EXOC6B: variants seen among roughly 807,000 people sequenced by gnomAD.
EXOC6B encodes exocyst complex component 6B, also known as SEC15 homolog B.
EXOC6B carries 54 observed loss-of-function variants against 113.5 expected under a neutral mutation model. The observed-to-expected ratio is 0.48, with a 90% CI of 0.38 to 0.60. The LOEUF (loss-of-function observed/expected upper bound fraction) is 0.60, where lower values mean the gene tolerates loss of function less well. EXOC6B is among the 20% of genes least tolerant of loss of function. The pLI is 0.00. For missense variants in EXOC6B, 797 were observed against 977.5 expected, an observed-to-expected ratio of 0.82 and a Z score of 2.46; for synonymous variants, 357 against 339.0, an observed-to-expected ratio of 1.05 and a Z score of -0.58.
intron 20 of EXOC6B, among the ~76,000 whole-genome samples, chr2:72,253,458 A>G (rs552869774): frequency 1.3e-5 from 2 of 152,214 alleles, no homozygotes; most frequent in Non-Finnish European, 2.9e-5. Flanking sequence ...ATGCCTATCA[A>G]TGGTAGGCCG....
chr2:72,454,426 G>C (rs1697092885), intron 18 of EXOC6B, among the ~76,000 whole-genome samples: 2 of 152,088 alleles, frequency 1.3e-5, no homozygotes, highest in Admixed American at 6.6e-5. Context: ...GATTGCTTGA[G>C]CTTGAGAGGG....
intron 1 of EXOC6B, among the ~76,000 whole-genome samples, chr2:72,779,974 A>G (rs986762595): frequency 1.7e-4 from 26 of 152,284 alleles, no homozygotes; most frequent in African/African-American, 5.8e-4. Flanking sequence ...GGTCAATACA[A>G]AAGTCCTTTC....
At chr2:72,470,270 A>C (rs1698313456) in intron 17 of EXOC6B, among the ~76,000 whole-genome samples, 1 of 151,978 alleles carries the variant, frequency 6.6e-6, no homozygotes. Flanking sequence ...AGTGTTTTGT[A>C]GTTTTCATTG....
intron 8 of EXOC6B, among the ~76,000 whole-genome samples, chr2:72,536,454 T>C (rs1444168004): frequency 6.6e-6 from 1 of 152,210 alleles, no homozygotes; most frequent in Non-Finnish European, 1.5e-5. Flanking sequence ...GCATATTGCA[T>C]TCAATCATAT....
At chr2:72,752,973 T>C (rs1349616567) in intron 1 of EXOC6B, among the ~76,000 whole-genome samples, 1 of 151,982 alleles carries the variant, frequency 6.6e-6, no homozygotes, top group Non-Finnish European at 1.5e-5. Context: ...ACTCTTCACA[T>C]ATATATATAC....
intron 19 of EXOC6B, among the ~76,000 whole-genome samples, chr2:72,375,419 G>A (rs748102013): frequency 6.6e-6 from 1 of 152,004 alleles, no homozygotes; most frequent in Non-Finnish European, 1.5e-5. Context: ...CATAAAACAA[G>A]TCTCAACAAA....
Position 72,825,851 on chromosome 2 carries a change from C to A in EXOC6B, c.60G>T (p.Arg20=). The change falls in exon 1 of 22, where the codon CGG becomes CGT. Residue 20 remains arginine, a synonymous_variant. Transcript: ENST00000272427. The surrounding 1 kb of genome is among the most constrained non-coding windows in gnomAD (Gnocchi z 4.4). Reference sequence around the variant, plus strand: ...CAGTGCTCTCGATCTCTCGCAGGATCCGCTCGTGCTCTGCCGCTGTCTCCA... The same window carrying A: ...CAGTGCTCTCGATCTCTCGCAGGATACGCTCGTGCTCTGCCGCTGTCTCCA... ...ESLETAAEHE[R]ILREIESTDT... 1.2e-6 allele frequency: 2 copies of A among 1,613,608 alleles called. No homozygotes were observed. The highest frequency in any genetic ancestry group is 1.7e-6 in the Non-Finnish European group (2 of 1,179,738).
intron 20 of EXOC6B, among the ~76,000 whole-genome samples, chr2:72,318,617 C>A (rs1313609459): frequency 6.6e-6 from 1 of 152,102 alleles, no homozygotes; most frequent in Non-Finnish European, 1.5e-5. Context: ...TTCTCAAACT[C>A]CTGACCTCAA....
chr2:72,542,409 C>T (rs1250315538), intron 8 of EXOC6B, among the ~76,000 whole-genome samples: 2 of 152,198 alleles, frequency 1.3e-5, no homozygotes, highest in African/African-American at 4.8e-5. Context: ...TTGCTGGTTT[C>T]AGTTTCACCT....
intron 20 of EXOC6B, among the ~76,000 whole-genome samples, chr2:72,269,730 C>A (rs1399799392): frequency 6.6e-6 from 1 of 152,130 alleles, no homozygotes; most frequent in Non-Finnish European, 1.5e-5. Context: ...AGCTGCTTAA[C>A]CTCTTTGAGC....
chr2:72,663,249 T>G (rs1274889851), intron 6 of EXOC6B, among the ~76,000 whole-genome samples: 2 of 152,216 alleles, frequency 1.3e-5, no homozygotes, highest in Admixed American at 1.3e-4. Flanking sequence ...ATCAGAGGTA[T>G]TCTGCTGAAT....
chr2:72,182,774 A>T, intron 21 of EXOC6B: 1 of 654,952 alleles, frequency 1.5e-6, no homozygotes. Flanking sequence ...GTAGATTAGT[A>T]TGTCAGGGCG....
At chr2:72,249,282 C>T (rs892024030) in intron 20 of EXOC6B, among the ~76,000 whole-genome samples, 1 of 152,000 alleles carries the variant, frequency 6.6e-6, no homozygotes, top group Non-Finnish European at 1.5e-5. Context: ...TTTTTTGAGA[C>T]GGAGTCTCAC....
At chr2:72,539,749 TGCGCGCGCGC>T (rs879611757) in intron 8 of EXOC6B, among the ~76,000 whole-genome samples, 1 of 61,678 alleles carries the variant, frequency 1.6e-5, no homozygotes, top group Non-Finnish European at 4.1e-5. Flanking sequence ...TGTGTGTGTG[TGCGCGCGCGC>T]GCGCGTGTGT....
intron 20 of EXOC6B, among the ~76,000 whole-genome samples, chr2:72,242,870 C>G (rs1392893842): frequency 6.6e-6 from 1 of 152,156 alleles, no homozygotes; most frequent in Admixed American, 6.5e-5. Flanking sequence ...GTAGCTAGGA[C>G]TATAGGTATG....
chr2:72,682,027 ATC>A (rs112745780), intron 6 of EXOC6B, among the ~76,000 whole-genome samples: 39,385 of 148,076 alleles, frequency 0.27, 10,047 homozygotes, highest in African/African-American at 0.68. Context: ...AACTAATACA[ATC>A]TCTCTCTCTC....
intron 20 of EXOC6B, among the ~76,000 whole-genome samples, chr2:72,317,555 C>T (rs201144696): frequency 7.7e-6 from 1 of 129,306 alleles, no homozygotes; most frequent in East Asian, 2.0e-4. Flanking sequence ...CATGTATGAA[C>T]ACATCACACA....
At chr2:72,220,830 T>G (rs1210555908) in intron 20 of EXOC6B, among the ~76,000 whole-genome samples, 1 of 152,196 alleles carries the variant, frequency 6.6e-6, no homozygotes, top group East Asian at 1.9e-4. Context: ...ATTTATTTCC[T>G]TATTAATTTT....
chr2:72,617,811 G>T (rs979660586), intron 6 of EXOC6B, among the ~76,000 whole-genome samples: 3 of 151,922 alleles, frequency 2.0e-5, no homozygotes, highest in African/African-American at 4.8e-5. Flanking sequence ...CACCGCGCCC[G>T]GCCAAGACCC....
Sources: allele counts gnomAD v4.1 joint callset (sites outside exome capture counted in the v4.1 genomes callset), GRCh38; gene constraint gnomAD v4.1.1; non-coding constraint Gnocchi (gnomAD v3.1); transcripts MANE v1.5; gene names NCBI Gene and HGNC (gene_info 2026-07-23, HGNC 2026-07-21).